Variants in MFHAS1 observed in about 807,000 individuals in gnomAD.
MFHAS1 encodes the protein malignant fibrous histiocytoma-amplified sequence 1.
In MFHAS1, 50 loss-of-function variants were observed where a neutral mutation model predicts 70.4. That is an observed-to-expected ratio of 0.71 (90% CI 0.57 to 0.90). The LOEUF is 0.90. Ranked by LOEUF, MFHAS1 falls within the 40% of genes least tolerant of loss-of-function variation. The pLI is 0.00. For synonymous variants in MFHAS1, 952 were observed against 620.0 expected (o/e 1.54, Z -7.96); for missense variants, 1,795 against 1,347.6 (o/e 1.33, Z -5.20).
intron 1 of MFHAS1, among the ~76,000 whole-genome samples, chr8:8,876,548 A>G (rs1809300478): frequency 6.6e-6 from 1 of 152,026 alleles, no homozygotes; most frequent in Non-Finnish European, 1.5e-5. Context: ...CAGTGTGGCT[A>G]ACGTGGTGAA....
chr8:8,799,987 T>A, intron 1 of MFHAS1, among the ~76,000 whole-genome samples: 1 of 152,156 alleles, frequency 6.6e-6, no homozygotes, highest in East Asian at 1.9e-4. Context: ...GCAGCAGACT[T>A]GGGATGTGAA....
intron 1 of MFHAS1, among the ~76,000 whole-genome samples, chr8:8,836,619 CCTCCCA>C (rs1807604896): frequency 6.6e-6 from 1 of 152,176 alleles, no homozygotes; most frequent in South Asian, 2.1e-4. Context: ...CTCAAGTGAT[CCTCCCA>C]CCTCAGTCTC....
intron 2 of MFHAS1, among the ~76,000 whole-genome samples, chr8:8,787,686 G>A (rs535164863): frequency 9.8e-5 from 15 of 152,306 alleles, no homozygotes; most frequent in Admixed American, 3.3e-4. Context: ...AAAAACACAC[G>A]TCTCAACCTA....
chr8:8,881,702 C>G (rs1809529023), intron 1 of MFHAS1, among the ~76,000 whole-genome samples: 1 of 151,630 alleles, frequency 6.6e-6, no homozygotes, highest in African/African-American at 2.4e-5. Context: ...GGCGTGGTGG[C>G]AGTTGCCTGT....
intron 1 of MFHAS1, among the ~76,000 whole-genome samples, chr8:8,866,363 G>C (rs1808857703): frequency 6.7e-6 from 1 of 150,174 alleles, no homozygotes; most frequent in Non-Finnish European, 1.5e-5. Flanking sequence ...CTGTCCTCTA[G>C]GCTGGAGTAC....
chr8:8,889,486 C>T (rs1406781212), intron 1 of MFHAS1, among the ~76,000 whole-genome samples: 1 of 152,204 alleles, frequency 6.6e-6, no homozygotes, highest in Non-Finnish European at 1.5e-5. Flanking sequence ...TGAATGTAAG[C>T]AGAGTGCTTA....
At chr8:8,827,655 C>G (rs898027104) in intron 1 of MFHAS1, among the ~76,000 whole-genome samples, 6 of 152,204 alleles carry the variant, frequency 3.9e-5, no homozygotes, top group East Asian at 1.9e-4. Flanking sequence ...ATATTTTTCT[C>G]CAATATATTA....
intron 2 of MFHAS1, among the ~76,000 whole-genome samples, chr8:8,793,115 G>A (rs1344823560): frequency 6.6e-6 from 1 of 152,052 alleles, no homozygotes; most frequent in Non-Finnish European, 1.5e-5. Flanking sequence ...TGAAACGCTG[G>A]TGGAGACCTC....
Position 8,891,413 on chromosome 8 carries a change from T to C in MFHAS1, c.1646A>G (p.Glu549Gly). 6.2e-7 allele frequency: 1 copy of C among 1,612,656 alleles called. No homozygotes were observed. The highest frequency in any genetic ancestry group is 2.2e-5 in the East Asian group (1 of 44,874). Residue 549 changes from glutamate to glycine, a missense_variant, in exon 1 of 3, where the codon GAG becomes GGG. Physicochemically the swap from Glu to Gly is moderately conservative, Grantham distance 98. Transcript: ENST00000276282. The surrounding 1 kb of genome is among the most constrained non-coding windows in gnomAD (Gnocchi z 5.4). ...ADLCGERELE[E>G]KCLDIHRQIA... ...CTGGCGGTGAATGTCCAGACATTTC[T>C]CCTCCAGCTCACGCTCTCCGCACAG...
chr8:8,845,323 G>C (rs1178733185), intron 1 of MFHAS1, among the ~76,000 whole-genome samples: 1 of 152,150 alleles, frequency 6.6e-6, no homozygotes, highest in Non-Finnish European at 1.5e-5. Flanking sequence ...ACCAATATTG[G>C]CAAGATTACA....
chr8:8,789,921 G>A (rs538458088), intron 2 of MFHAS1, among the ~76,000 whole-genome samples: 30 of 151,898 alleles, frequency 2.0e-4, no homozygotes, highest in African/African-American at 6.8e-4. Context: ...CTGCCTACCC[G>A]GCCTTGCCCG....
At chr8:8,879,886 C>G in intron 1 of MFHAS1, among the ~76,000 whole-genome samples, 1 of 152,182 alleles carries the variant, frequency 6.6e-6, no homozygotes. Context: ...ATCACTGCCA[C>G]CATCACCACC....
In MFHAS1 at chr8:8,841,139, T is replaced by C. The variant is rs142024954; in HGVS notation, c.2999-43648A>G. ...TCTCCTTCGCATATTCCTTAAGATA[T>C]TCTTCATGTGCTAAAAATACCGATG... On this transcript the variant is annotated intron_variant, in intron 1 of 2. Transcript: ENST00000276282. Among the ~76,000 whole-genome samples, 9 of 152,302 alleles carry C rather than the reference T, an allele frequency of 5.9e-5. No individual in the cohort carries two copies. The East Asian group carries it at 1.4e-3, about 23-fold the overall frequency.
chr8:8,888,535 C>A (rs1251606997), intron 1 of MFHAS1, among the ~76,000 whole-genome samples: 3 of 152,076 alleles, frequency 2.0e-5, no homozygotes, highest in African/African-American at 4.8e-5. Context: ...CACACACACA[C>A]ACACAAAAAC....
At position 8,891,683 on chromosome 8, in the gene MFHAS1, T is replaced by G; in HGVS notation, c.1376A>C (p.Glu459Ala). The change falls in exon 1 of 3, where the codon GAG becomes GCG. Residue 459 changes from glutamate (E) to alanine (A), a missense_variant. Physicochemically the swap from Glu to Ala is moderately radical, Grantham distance 107. Coordinates refer to ENST00000276282, the MANE Select transcript of MFHAS1 (RefSeq NM_004225.3). This position sits in a 1 kb window ranked among gnomAD's most constrained non-coding sequence, Gnocchi z 5.4. The part of the protein sequence containing the change: ...PSPPPVSKGI[E>A]VTSWTADASR... ...GGCATCGGCCGTCCAGCTGGTCACC[T>G]CGATGCCCTTGCTCACAGGGGGAGG... is the stretch of plus-strand genomic sequence containing the variant. 1.2e-6 allele frequency: 2 copies of G among 1,613,542 alleles called. No homozygotes were observed. Among genetic ancestry groups the G allele is most frequent in the Non-Finnish European group, 1.7e-6 (2 of 1,180,004 alleles).
At chr8:8,808,833 C>T (rs142923094) in intron 1 of MFHAS1, among the ~76,000 whole-genome samples, 193 of 152,226 alleles carry the variant, frequency 1.3e-3, no homozygotes, top group South Asian at 2.5e-3. Context: ...AAGCATCCCC[C>T]GCAAATAAGG....
intron 1 of MFHAS1, among the ~76,000 whole-genome samples, chr8:8,813,052 C>G (rs975460020): frequency 6.6e-6 from 1 of 152,184 alleles, no homozygotes; most frequent in Non-Finnish European, 1.5e-5. Context: ...CAGGCATGAA[C>G]CACTGCACCT....
At position 8,890,064 on chromosome 8, in the gene MFHAS1, G is replaced by A. The variant is rs992611099; in HGVS notation, c.2995C>T (p.Pro999Ser). 1.9e-6 allele frequency: 3 copies of A among 1,589,362 alleles called. No individual in the cohort carries two copies. Among genetic ancestry groups the A allele is most frequent in the Non-Finnish European group, 1.7e-6 (2 of 1,164,054 alleles). ...KRGSPNPHAFPGELLSQPRPE... is the reference protein window; with the variant it reads ...KRGSPNPHAFSGELLSQPRPE... ...ACTTCTCCCTCTCTCCACTTACCTGGAAAAGCATGTGGATTGGGCGATCCT... is the reference window on the plus strand; with the variant it reads ...ACTTCTCCCTCTCTCCACTTACCTGAAAAAGCATGTGGATTGGGCGATCCT... Residue 999 changes from proline to serine, a missense_variant, in exon 1 of 3, where the codon CCA becomes TCA. Physicochemically the swap from Pro to Ser is moderately conservative, Grantham distance 74. Transcript: ENST00000276282.
intron 1 of MFHAS1, among the ~76,000 whole-genome samples, chr8:8,887,573 A>T (rs1809815285): frequency 6.7e-6 from 1 of 150,252 alleles, no homozygotes; most frequent in African/African-American, 2.4e-5. Context: ...CATATTTTAT[A>T]ATTATATGTA....
Sources: gnomAD v4.1 joint callset for allele counts (sites outside exome capture counted in the v4.1 genomes callset) on GRCh38, gnomAD v4.1.1 for gene constraint, Gnocchi (gnomAD v3.1) non-coding constraint, MANE v1.5 for transcripts, NCBI Gene and HGNC (gene_info 2026-07-23, HGNC 2026-07-21) for gene names.